The following PRKCQ variants were observed in gnomAD, a reference collection of about 807,000 sequenced individuals.
The protein encoded by PRKCQ is protein kinase C theta type.
Under a neutral mutation model 91.2 loss-of-function variants are expected in PRKCQ, and 41 were observed. The observed-to-expected ratio is 0.45, with a 90% CI of 0.35 to 0.58. PRKCQ has a LOEUF of 0.58. PRKCQ is among the 20% of genes least tolerant of loss of function. The pLI is 0.00. For missense variants in PRKCQ, 673 were observed against 896.5 expected (o/e 0.75, Z 3.18); for synonymous variants, 307 against 316.9 (o/e 0.97, Z 0.33).
At chr10:6,551,856 G>A (rs542267449) in intron 1 of PRKCQ, among the ~76,000 whole-genome samples, 6 of 152,318 alleles carry the variant, frequency 3.9e-5, no homozygotes, top group African/African-American at 9.6e-5. Context: ...TTCCTGGGTC[G>A]AATGGTAGCT....
rs1836830153 is a variant in PRKCQ, at chr10:6,485,160, C to T, written c.1010G>A (p.Gly337Glu). The change falls in exon 10 of 18, where the codon GGA (glycine) becomes GAA (glutamate). Residue 337 changes from glycine (G) to glutamate (E), a missense_variant. Physicochemically the swap from Gly to Glu is moderately conservative, Grantham distance 98. Transcript: ENST00000263125. ...EARPPCLPTP[G>E]KREPQGISWE... ...CTGATCAGGACAGCTACCTCTTTTT[C>T]CCGGTGTCGGTAAACATGGCGGCCT... The T allele has an allele frequency of 6.2e-7, 1 of 1,613,430 alleles. No individual in the cohort carries two copies. Among genetic ancestry groups the T allele is most frequent in the Non-Finnish European group, 8.5e-7 (1 of 1,179,522 alleles).
chr10:6,407,911 A>G, the PRKCQ span, among the ~76,000 whole-genome samples: 1 of 152,178 alleles, frequency 6.6e-6, no homozygotes, highest in Non-Finnish European at 1.5e-5. The surrounding 1 kb of genome is among the most constrained non-coding windows in gnomAD (Gnocchi z 4.0). Context: ...TGATATATCT[A>G]TCTTGAAACT....
intron 1 of PRKCQ, among the ~76,000 whole-genome samples, chr10:6,522,384 C>T (rs983934451): frequency 3.3e-5 from 5 of 152,096 alleles, no homozygotes; most frequent in African/African-American, 7.2e-5. Context: ...TTAGGTCACA[C>T]GCTATTATGT....
chr10:6,400,319 A>G, the PRKCQ span, among the ~76,000 whole-genome samples: 1 of 152,248 alleles, frequency 6.6e-6, no homozygotes, highest in Non-Finnish European at 1.5e-5. Context: ...AAGGACAGAC[A>G]TCTTGCTTGT....
In PRKCQ at chr10:6,441,988, C is replaced by T. The variant is rs768018760; in HGVS notation, c.1741G>A (p.Gly581Arg). 6.8e-6 allele frequency: 11 copies of T among 1,614,004 alleles called. No individual in the cohort carries two copies. Among genetic ancestry groups the T allele is most frequent in the East Asian group, 2.2e-5 (1 of 44,878 alleles). Residue 581 changes from glycine (G) to arginine (R), a missense_variant, in exon 16 of 18, where the codon GGG becomes AGG. By Grantham distance (125) the Gly-to-Arg change is moderately radical (BLOSUM62 -2). Transcript: ENST00000263125. ...TGGAAGAGCTCCTCCTCATCCTGCC[C>T]GTGGAAAGGCGACTGACCAATCAGC... ...EMLIGQSPFH[G>R]QDEEELFHSI...
chr10:6,462,395 G>A (rs1362840033), intron 13 of PRKCQ, 30 bp from the exon 14 acceptor site: 2 of 1,604,534 alleles, frequency 1.2e-6, no homozygotes, highest in African/African-American at 1.3e-5. Flanking sequence ...GGTTCAACAT[G>A]AATGTTGTCA....
At chr10:6,553,512 A>ATAAAAAT (rs375879407) in intron 1 of PRKCQ, among the ~76,000 whole-genome samples, 10,781 of 140,806 alleles carry the variant, frequency 0.077, 763 homozygotes, top group Middle Eastern at 0.2. Flanking sequence ...AAAAAAAAAA[A>ATAAAAAT]AAAAACAAAC....
At chr10:6,508,550 T>G (rs999484555) in intron 3 of PRKCQ, among the ~76,000 whole-genome samples, 1 of 152,272 alleles carries the variant, frequency 6.6e-6, no homozygotes, top group Non-Finnish European at 1.5e-5. Context: ...AAGCTTGCAT[T>G]GCTGCAACAA....
At chr10:6,520,478 C>T (rs1197414094) in intron 1 of PRKCQ, among the ~76,000 whole-genome samples, 1 of 152,216 alleles carries the variant, frequency 6.6e-6, no homozygotes, top group Non-Finnish European at 1.5e-5. Context: ...TAGGATCTTG[C>T]AAAACTGCTG....
chr10:6,511,574 G>A (rs1838479256), intron 2 of PRKCQ, among the ~76,000 whole-genome samples: 1 of 152,176 alleles, frequency 6.6e-6, no homozygotes, highest in Admixed American at 6.5e-5. Context: ...CAGCCGAGGA[G>A]ATGAGAGCTC....
At chr10:6,558,828 T>TA (rs2130950276) in intron 1 of PRKCQ, among the ~76,000 whole-genome samples, 1 of 152,350 alleles carries the variant, frequency 6.6e-6, no homozygotes, top group South Asian at 2.1e-4. Context: ...AGACAGTCTT[T>TA]ATCCTTAGGG....
the PRKCQ span, among the ~76,000 whole-genome samples, chr10:6,414,999 G>A: frequency 6.6e-6 from 1 of 151,882 alleles, no homozygotes; most frequent in Non-Finnish European, 1.5e-5. Flanking sequence ...ATCTTGCTCT[G>A]TCACCCAGGC....
At chr10:6,444,983 GT>G (rs1834181710) in intron 15 of PRKCQ, among the ~76,000 whole-genome samples, 1 of 152,048 alleles carries the variant, frequency 6.6e-6, no homozygotes, top group South Asian at 2.1e-4. Flanking sequence ...AATTAGCTGG[GT>G]GTGGTGGCGC....
At chr10:6,474,325 A>G (rs1836154055) in intron 12 of PRKCQ, among the ~76,000 whole-genome samples, 1 of 152,356 alleles carries the variant, frequency 6.6e-6, no homozygotes, top group South Asian at 2.1e-4. Flanking sequence ...GGAACGACCC[A>G]GAGACAGAGC....
rs369800768 is a variant in PRKCQ at position 6,465,466 on chromosome 10, AT to A, written c.1354-1063del. Among the ~76,000 whole-genome samples, 31 of 151,758 alleles carry A rather than the reference AT, an allele frequency of 2.0e-4. No individual in the cohort carries two copies. The highest frequency in any genetic ancestry group is 5.8e-4 in the African/African-American group (24 of 41,362). ...CTCAGCAACTCAATGATGTGAGACA[AT>A]TTTTTTTTCCAATAAATGTATTTAT... On this transcript the variant is annotated intron_variant, in intron 12 of 17. Coordinates refer to ENST00000263125, the MANE Select transcript of PRKCQ (RefSeq NM_006257.5). This position sits in a 1 kb window ranked among gnomAD's most constrained non-coding sequence, Gnocchi z 4.4.
At chr10:6,525,500 C>T (rs760995552) in intron 1 of PRKCQ, among the ~76,000 whole-genome samples, 6 of 152,162 alleles carry the variant, frequency 3.9e-5, no homozygotes, top group African/African-American at 4.8e-5. Context: ...AATCCCACCT[C>T]GCCGTACTTT....
chr10:6,521,510 G>A (rs140595757), intron 1 of PRKCQ, among the ~76,000 whole-genome samples: 177 of 152,278 alleles, frequency 1.2e-3, no homozygotes, highest in Middle Eastern at 3.4e-3. Context: ...AGAGCCATGA[G>A]GATTAAATGG....
At chr10:6,436,540 C>A (rs1055679142) in intron 16 of PRKCQ, among the ~76,000 whole-genome samples, 5 of 152,212 alleles carry the variant, frequency 3.3e-5, no homozygotes, top group Non-Finnish European at 5.9e-5. Context: ...AAAGATCTAC[C>A]TGTGCTGCAT....
intron 13 of PRKCQ, among the ~76,000 whole-genome samples, chr10:6,463,118 G>C (rs1054524300): frequency 9.9e-5 from 15 of 152,224 alleles, no homozygotes; most frequent in African/African-American, 3.6e-4. Flanking sequence ...AGAACTAGCT[G>C]GTTTATTTTC....
Sources: allele counts gnomAD v4.1 joint callset (sites outside exome capture counted in the v4.1 genomes callset), GRCh38; gene constraint gnomAD v4.1.1; non-coding constraint Gnocchi (gnomAD v3.1); transcripts MANE v1.5; gene names NCBI Gene and HGNC (gene_info 2026-07-23, HGNC 2026-07-21).